The following ATP9B variants were observed in gnomAD, a reference collection of about 807,000 sequenced individuals.
The protein encoded by ATP9B is probable phospholipid-transporting ATPase IIB.
ATP9B carries 110 observed loss-of-function variants against 146.1 expected under a neutral mutation model. The observed-to-expected ratio is 0.75, with a 90% CI of 0.65 to 0.88. ATP9B has a LOEUF of 0.88. ATP9B is among the 40% of genes least tolerant of loss of function. The probability of loss-of-function intolerance (pLI) is 0.00; values close to 1 mark genes in which losing one functional copy is unlikely to be tolerated. For synonymous variants in ATP9B, 604 were observed against 569.7 expected (o/e 1.06, Z -0.86); for missense variants, 1,499 against 1,496.4 (o/e 1.00, Z -0.03).
chr18:79,212,440 G>A (rs2095593083), intron 10 of ATP9B, among the ~76,000 whole-genome samples: 1 of 152,166 alleles, frequency 6.6e-6, no homozygotes, highest in African/African-American at 2.4e-5. Flanking sequence ...CCTGCTTTCA[G>A]CTCAACGGTT....
chr18:79,114,789 C>A (rs2094036630), intron 4 of ATP9B, among the ~76,000 whole-genome samples: 1 of 152,072 alleles, frequency 6.6e-6, no homozygotes, highest in African/African-American at 2.4e-5. Flanking sequence ...CGTGAGCTCC[C>A]CCATTAGTGT....
At chr18:79,364,716 C>T (rs1353065009) in intron 26 of ATP9B, among the ~76,000 whole-genome samples, 2 of 152,178 alleles carry the variant, frequency 1.3e-5, no homozygotes, top group Non-Finnish European at 2.9e-5. Context: ...ATAAATTAGA[C>T]TTTACCATAA....
At chr18:79,230,731 T>C (rs1416783932) in intron 11 of ATP9B, among the ~76,000 whole-genome samples, 1 of 151,940 alleles carries the variant, frequency 6.6e-6, no homozygotes. Flanking sequence ...ATCCTAAAAT[T>C]CATATGGAAC....
At chr18:79,233,928 G>A (rs926151568) in intron 11 of ATP9B, among the ~76,000 whole-genome samples, 1 of 152,158 alleles carries the variant, frequency 6.6e-6, no homozygotes, top group Admixed American at 6.5e-5. Flanking sequence ...TTATATTCAC[G>A]CTTCATTCAG....
At chr18:79,136,550 T>C (rs1169495519) in intron 5 of ATP9B, among the ~76,000 whole-genome samples, 2 of 152,356 alleles carry the variant, frequency 1.3e-5, no homozygotes, top group African/African-American at 4.8e-5. Context: ...TTTTCTTCCC[T>C]CTCCAGTGTC....
intron 11 of ATP9B, among the ~76,000 whole-genome samples, chr18:79,219,011 G>A (rs755900787): frequency 2.1e-4 from 32 of 152,308 alleles, no homozygotes; most frequent in African/African-American, 7.2e-4. Flanking sequence ...TAAGGGATAA[G>A]GAGAGGAAGA....
intron 4 of ATP9B, among the ~76,000 whole-genome samples, chr18:79,122,005 G>T (rs1490641046): frequency 6.6e-6 from 1 of 152,144 alleles, no homozygotes; most frequent in Non-Finnish European, 1.5e-5. Flanking sequence ...TAAGCCATAA[G>T]TTTAAAGGGG....
At chr18:79,286,669 G>A (rs1032775658) in intron 13 of ATP9B, among the ~76,000 whole-genome samples, 3 of 152,036 alleles carry the variant, frequency 2.0e-5, no homozygotes, top group East Asian at 1.9e-4. Context: ...AATAGGAGTG[G>A]TGAGAGAGGG....
chr18:79,116,940 T>TAAAAAAAAAAAAAAAAAAAAA (rs377608135), intron 4 of ATP9B, among the ~76,000 whole-genome samples: 3 of 106,798 alleles, frequency 2.8e-5, no homozygotes, highest in Non-Finnish European at 5.6e-5. Context: ...AAAAAAAAAT[T>TAAAAAAAAAAAAAAAAAAAAA]AAAAAAAAAA....
At chr18:79,300,411 G>A (rs563784026) in intron 13 of ATP9B, among the ~76,000 whole-genome samples, 1 of 152,328 alleles carries the variant, frequency 6.6e-6, no homozygotes, top group Admixed American at 6.5e-5. Flanking sequence ...TCCCTTCTCG[G>A]TTAAGGTATC....
intron 11 of ATP9B, among the ~76,000 whole-genome samples, chr18:79,232,047 A>C (rs1380201010): frequency 1.3e-5 from 2 of 152,034 alleles, no homozygotes; most frequent in East Asian, 3.9e-4. Context: ...GAAAGACTAC[A>C]CACTGGATAC....
chr18:79,256,286 T>TATATATATATATATATATATACACAC (rs398033647), intron 12 of ATP9B, among the ~76,000 whole-genome samples: 5 of 123,072 alleles, frequency 4.1e-5, no homozygotes, highest in African/African-American at 1.3e-4. Flanking sequence ...TATATATATA[T>TATATATATATATATATATATACACAC]ACATACATAG....
chr18:79,267,891 C>G (rs1286284157), intron 12 of ATP9B, among the ~76,000 whole-genome samples: 3 of 152,046 alleles, frequency 2.0e-5, no homozygotes, highest in Non-Finnish European at 4.4e-5. Flanking sequence ...TTTTCAGTTT[C>G]TGTCTACCAC....
chr18:79,193,987 A>G (rs2095394395), intron 9 of ATP9B, among the ~76,000 whole-genome samples: 1 of 152,220 alleles, frequency 6.6e-6, no homozygotes, highest in Admixed American at 6.5e-5. Context: ...TAGTGTGCAG[A>G]CTATGGGAAT....
intron 11 of ATP9B, among the ~76,000 whole-genome samples, chr18:79,214,260 T>C (rs1407207396): frequency 6.6e-6 from 1 of 152,250 alleles, no homozygotes; most frequent in Non-Finnish European, 1.5e-5. Flanking sequence ...ATCAGTTTTA[T>C]ATGTGTCTTA....
intron 15 of ATP9B, among the ~76,000 whole-genome samples, chr18:79,315,759 G>A (rs552828102): frequency 6.6e-6 from 1 of 152,168 alleles, no homozygotes; most frequent in Admixed American, 6.5e-5. Context: ...TTCTCAGAGT[G>A]GTTATTTAGC....
At chr18:79,227,105 A>C (rs769693789) in intron 11 of ATP9B, among the ~76,000 whole-genome samples, 3 of 151,906 alleles carry the variant, frequency 2.0e-5, no homozygotes, top group Admixed American at 6.6e-5. Flanking sequence ...ATTGACCTTT[A>C]CATTGTCTCC....
chr18:79,073,088 G>A (rs570361077), intron 1 of ATP9B, among the ~76,000 whole-genome samples: 2 of 151,978 alleles, frequency 1.3e-5, no homozygotes, highest in East Asian at 1.9e-4. Flanking sequence ...AGGCGGAGAC[G>A]CTCCTCACTT....
chr18:79,237,574 A>T (rs2095853297), intron 11 of ATP9B, among the ~76,000 whole-genome samples: 1 of 152,170 alleles, frequency 6.6e-6, no homozygotes, highest in African/African-American at 2.4e-5. Flanking sequence ...TAAGTCTTTT[A>T]GTCAACGAAT....
Sources: allele counts gnomAD v4.1 joint callset (sites outside exome capture counted in the v4.1 genomes callset), GRCh38; gene constraint gnomAD v4.1.1; transcripts MANE v1.5; gene names NCBI Gene and HGNC (gene_info 2026-07-23, HGNC 2026-07-21).